WDR35: variants seen among roughly 807,000 people sequenced by gnomAD.
The protein encoded by WDR35 is WD repeat domain 35.
Under a neutral mutation model 158.3 loss-of-function variants are expected in WDR35, and 118 were observed. The observed-to-expected ratio is 0.75, with a 90% CI of 0.64 to 0.87. WDR35 has a LOEUF of 0.87. Ranked by LOEUF, WDR35 falls within the 40% of genes least tolerant of loss-of-function variation. The pLI, the probability that WDR35 is intolerant of heterozygous loss-of-function variation, is 0.00. For missense variants in WDR35, 1,263 were observed against 1,405.8 expected (o/e 0.90, Z 1.62); for synonymous variants, 448 against 476.1 (o/e 0.94, Z 0.77).
intron 10 of WDR35, among the ~76,000 whole-genome samples, chr2:19,966,305 A>C (rs1234751354): frequency 2.0e-5 from 3 of 152,182 alleles, no homozygotes; most frequent in Admixed American, 2.0e-4. Flanking sequence ...TTTTAAAAGC[A>C]ATATAACTCC....
chr2:19,920,924 T>C (rs1304696428), intron 25 of WDR35, among the ~76,000 whole-genome samples: 3 of 152,184 alleles, frequency 2.0e-5, no homozygotes, highest in Non-Finnish European at 4.4e-5. Flanking sequence ...CAAGCATTCC[T>C]ATACACCAAA....
In WDR35 at chr2:19,978,830, G is replaced by A; in HGVS notation, c.357C>T (p.Arg119=). The change falls in exon 5 of 27, where the codon CGC becomes CGT. Residue 119 remains arginine (R), a synonymous_variant. Transcript: ENST00000281405. ...GTCCGTCAGCATTCCAGCTCATACTGCGAACAACTGATTTATTTCGATTGT... is the reference window on the plus strand; with the variant it reads ...GTCCGTCAGCATTCCAGCTCATACTACGAACAACTGATTTATTTCGATTGT... The part of the protein sequence containing the change: ...MINNRNKSVV[R]SMSWNADGQK... 1 of 1,613,758 alleles carries A rather than the reference G, an allele frequency of 6.2e-7. No individual in the cohort carries two copies. Among genetic ancestry groups the A allele is most frequent in the African/African-American group, 1.3e-5 (1 of 75,006 alleles).
intron 2 of WDR35, among the ~76,000 whole-genome samples, chr2:19,983,163 G>A (rs1672442803): frequency 6.6e-6 from 1 of 152,216 alleles, no homozygotes; most frequent in South Asian, 2.1e-4. Flanking sequence ...GATTGATGGG[G>A]AACCAGGGAA....
chr2:19,981,973 C>A (rs1480874302), intron 3 of WDR35, among the ~76,000 whole-genome samples: 1 of 152,136 alleles, frequency 6.6e-6, no homozygotes, highest in Non-Finnish European at 1.5e-5. Flanking sequence ...AGTTGAATGA[C>A]TCTAAGTTGT....
chr2:19,983,131 G>A (rs1672440660), intron 2 of WDR35, among the ~76,000 whole-genome samples: 1 of 152,190 alleles, frequency 6.6e-6, no homozygotes, highest in Admixed American at 6.5e-5. Flanking sequence ...ATAAGAAAGA[G>A]TAGCAGAAGT....
intron 2 of WDR35, among the ~76,000 whole-genome samples, chr2:19,985,145 C>T (rs1477416332): frequency 6.6e-6 from 1 of 152,218 alleles, no homozygotes; most frequent in African/African-American, 2.4e-5. Context: ...GCTTCCATGG[C>T]CCTATATACT....
At chr2:19,935,331 A>C (rs912912185) in intron 21 of WDR35, 140 bp downstream of exon 21, 9 of 879,980 alleles carry the variant, frequency 1.0e-5, no homozygotes, top group Non-Finnish European at 1.5e-5. Flanking sequence ...CTTTATAATT[A>C]AAAGCATCAT....
intron 25 of WDR35, among the ~76,000 whole-genome samples, chr2:19,928,243 G>A (rs2103393531): frequency 6.6e-6 from 1 of 152,384 alleles, no homozygotes; most frequent in Admixed American, 6.5e-5. Flanking sequence ...TCCTGCTGCA[G>A]ATAACTAGCC....
At chr2:19,964,766 G>A (rs1040649368) in intron 10 of WDR35, among the ~76,000 whole-genome samples, 3 of 151,962 alleles carry the variant, frequency 2.0e-5, no homozygotes, top group African/African-American at 7.3e-5. Context: ...CACTTTACAA[G>A]TGTTTTCCTT....
rs1266652656 is a variant in WDR35, at chr2:19,913,164, A to G, written c.*394T>C. 1.2e-5 allele frequency: 2 copies of G among 161,354 alleles called. No individual in the cohort carries two copies. Among genetic ancestry groups the G allele is most frequent in the African/African-American group, 4.8e-5 (2 of 41,584 alleles). 10.0% of individuals were successfully genotyped at this position (161,354 alleles called of 1,614,324 possible). A position where few individuals can be genotyped will look rare whatever the true frequency, so the allele number is the denominator to read the frequency against. On this transcript the variant is annotated 3_prime_UTR_variant, in exon 27 of 27. Transcript: ENST00000281405. The stretch of plus-strand genomic sequence containing the variant: ...GTAACATGGGTTATAAAAATTCTCT[A>G]AATTCAACTTTGCCCCACTCCCATG...
At chr2:19,924,851 A>C (rs374995413) in intron 25 of WDR35, among the ~76,000 whole-genome samples, 2 of 152,306 alleles carry the variant, frequency 1.3e-5, no homozygotes, top group East Asian at 3.9e-4. Context: ...ATGTAGAAAA[A>C]ATCAGCAAGT....
rs568962541 is a variant in WDR35, at chr2:19,965,255, GCA to G, written c.1194+1467_1194+1468del. 3.3e-4 allele frequency among the ~76,000 whole-genome samples: 50 copies of G among 152,304 alleles called. 2 individuals carry two copies. The East Asian group carries it at 9.7e-3, about 29-fold the overall frequency. ...AATGTTTTTCAGACGTGTCCTTCCT[GCA>G]CAGTCTCTGCTTCTTCCAAGTTCTT... is the stretch of plus-strand genomic sequence containing the variant. On this transcript the variant is annotated intron_variant, in intron 10 of 26. Coordinates refer to ENST00000281405, the MANE Select transcript of WDR35 (RefSeq NM_020779.4).
intron 8 of WDR35, among the ~76,000 whole-genome samples, chr2:19,971,124 T>C (rs1040488049): frequency 3.9e-5 from 6 of 152,202 alleles, no homozygotes; most frequent in African/African-American, 1.4e-4. Context: ...AATGTGGCTA[T>C]AAGGCAATCG....
chr2:19,965,883 G>C lies in WDR35; in HGVS notation c.1194+841C>G, dbSNP rs146318930. ...GTACCCCCAAGTCCTGTGCCTCTTT[G>C]GGATTCCGTGATCTAAGCCAGTTGC... On this transcript the variant is annotated intron_variant, in intron 10 of 26. Transcript: ENST00000281405. 7.0e-3 allele frequency among the ~76,000 whole-genome samples: 1,067 copies of C among 152,184 alleles called. 9 individuals are homozygous for C. Among genetic ancestry groups the C allele is most frequent in the Admixed American group, 0.011 (168 of 15,292 alleles).
At chr2:19,964,169 C>A (rs1671758392) in intron 10 of WDR35, among the ~76,000 whole-genome samples, 2 of 152,108 alleles carry the variant, frequency 1.3e-5, no homozygotes, top group Non-Finnish European at 2.9e-5. Context: ...TTTTTCCTCC[C>A]TGAAAGCTTG....
At chr2:19,968,349 A>T (rs908810249) in intron 9 of WDR35, among the ~76,000 whole-genome samples, 1 of 152,206 alleles carries the variant, frequency 6.6e-6, no homozygotes, top group Non-Finnish European at 1.5e-5. Flanking sequence ...AGCCAGGGGA[A>T]CAGGGGCCTA....
At chr2:19,981,799 G>A (rs572634517) in intron 3 of WDR35, among the ~76,000 whole-genome samples, 6 of 152,198 alleles carry the variant, frequency 3.9e-5, no homozygotes, top group African/African-American at 1.4e-4. Context: ...AACTATAGGT[G>A]TTAGCCACTA....
intron 1 of WDR35, 21 bp from the exon 2 acceptor site, chr2:19,989,303 G>A: frequency 1.2e-6 from 2 of 1,600,334 alleles, no homozygotes; most frequent in South Asian, 2.2e-5. Flanking sequence ...AACCACAGCC[G>A]CACTAGCAAC....
chr2:19,928,114 G>A (rs565814648), intron 25 of WDR35, among the ~76,000 whole-genome samples: 41 of 152,288 alleles, frequency 2.7e-4, no homozygotes, highest in Non-Finnish European at 4.7e-4. Flanking sequence ...CACTCTGGAA[G>A]GTTGTGGTTT....
Sources: allele counts gnomAD v4.1 joint callset (sites outside exome capture counted in the v4.1 genomes callset), GRCh38; gene constraint gnomAD v4.1.1; transcripts MANE v1.5; gene names NCBI Gene and HGNC (gene_info 2026-07-23, HGNC 2026-07-21).